The following EIF4G3 variants were observed in gnomAD, a reference collection of about 807,000 sequenced individuals.
EIF4G3 encodes the protein eIF-4-gamma 3.
Under a neutral mutation model 186.4 loss-of-function variants are expected in EIF4G3, and 34 were observed. That is an observed-to-expected ratio of 0.18 (90% CI 0.14 to 0.24). The LOEUF (loss-of-function observed/expected upper bound fraction) is 0.24. EIF4G3 is among the 10% of genes least tolerant of loss of function. The probability of loss-of-function intolerance (pLI) is 1.00; values close to 1 mark genes in which losing one functional copy is unlikely to be tolerated. For synonymous variants in EIF4G3, 673 were observed against 679.5 expected, an observed-to-expected ratio of 0.99 and a Z score of 0.15; for missense variants, 1,536 against 1,948.5, an observed-to-expected ratio of 0.79 and a Z score of 3.99.
intron 29 of EIF4G3, among the ~76,000 whole-genome samples, chr1:20,843,173 C>A (rs2069334378): frequency 3.3e-5 from 5 of 150,670 alleles, no homozygotes; most frequent in Admixed American, 3.3e-4. Flanking sequence ...TTAAGCCAAT[C>A]AACATCATTG....
chr1:20,933,328 G>A (rs1478187934), intron 14 of EIF4G3, among the ~76,000 whole-genome samples: 2 of 152,096 alleles, frequency 1.3e-5, no homozygotes, highest in Non-Finnish European at 2.9e-5. Flanking sequence ...AGGAAATGGA[G>A]AGGAGGGAAC....
At position 20,855,078 on chromosome 1, in the gene EIF4G3, C is replaced by A; in HGVS notation, c.3340-7G>T. On this transcript the variant is annotated splice_region_variant and splice_polypyrimidine_tract_variant and intron_variant, in intron 25 of 36. Coordinates refer to ENST00000602326, the MANE Select transcript of EIF4G3 (RefSeq NM_001391906.1). ...TTTTTTCATCAATTGTAGGCTGTAA[C>A]ATAAGGGACCACAAGTCAATTATAG... 6.3e-7 allele frequency: 1 copy of A among 1,583,770 alleles called. No homozygotes were observed. Among genetic ancestry groups the A allele is most frequent in the South Asian group, 1.1e-5 (1 of 89,424 alleles).
chr1:20,857,360 C>T lies in EIF4G3; in HGVS notation c.3339+43G>A, dbSNP rs777106365. The stretch of plus-strand genomic sequence containing the variant: ...TGTGTGTGTGTTTTAATATCAAAGG[C>T]ATCAAAGGAGAGCGTAAATTGTACT... On this transcript the variant is annotated intron_variant, in intron 25 of 36. Transcript: ENST00000602326. 7 of 1,425,470 alleles carry T rather than the reference C, an allele frequency of 4.9e-6. No homozygotes were observed. In the Admixed American group the frequency reaches 1.0e-4, roughly 20 times the overall value. 88.3% of individuals were successfully genotyped at this position (1,425,470 alleles called of 1,614,324 possible). A position where few individuals can be genotyped will look rare whatever the true frequency, so the allele number is the denominator to read the frequency against.
chr1:21,118,837 A>G (rs887855845), intron 2 of EIF4G3, among the ~76,000 whole-genome samples: 4 of 150,630 alleles, frequency 2.7e-5, no homozygotes, highest in Admixed American at 2.0e-4. Flanking sequence ...ACAGTGGCAC[A>G]TGCCTATAGT....
At chr1:21,033,015 A>C (rs1208959573) in intron 4 of EIF4G3, among the ~76,000 whole-genome samples, 1 of 152,200 alleles carries the variant, frequency 6.6e-6, no homozygotes, top group Non-Finnish European at 1.5e-5. Flanking sequence ...TTTCCTTTTC[A>C]TGTGCTCTAA....
At chr1:21,029,102 C>T (rs1214655219) in intron 4 of EIF4G3, among the ~76,000 whole-genome samples, 1 of 152,018 alleles carries the variant, frequency 6.6e-6, no homozygotes, top group Non-Finnish European at 1.5e-5. Context: ...ACTGCAACCT[C>T]CACCCCCTAG....
At chr1:20,831,665 A>T (rs2065246879) in intron 30 of EIF4G3, among the ~76,000 whole-genome samples, 1 of 148,276 alleles carries the variant, frequency 6.7e-6, no homozygotes, top group Admixed American at 6.8e-5. Context: ...TGTGCAGGTT[A>T]GTTACATATG....
chr1:20,861,710 A>C (rs1244997334), intron 23 of EIF4G3, among the ~76,000 whole-genome samples: 1 of 152,226 alleles, frequency 6.6e-6, no homozygotes, highest in African/African-American at 2.4e-5. Context: ...GTGGTGGCTC[A>C]CGCCTGTAAT....
At chr1:20,952,908 A>C (rs768948256) in intron 12 of EIF4G3, among the ~76,000 whole-genome samples, 11 of 152,182 alleles carry the variant, frequency 7.2e-5, no homozygotes, top group Non-Finnish European at 1.6e-4. Context: ...GGAGTTCCTT[A>C]TCTTCCCAAA....
At chr1:21,031,350 G>C (rs1024225146) in intron 4 of EIF4G3, among the ~76,000 whole-genome samples, 4 of 139,872 alleles carry the variant, frequency 2.9e-5, no homozygotes, top group Non-Finnish European at 4.6e-5. Context: ...CTCAAACAAT[G>C]AGAAAATGGG....
chr1:20,813,771 G>A (rs1255317422), intron 34 of EIF4G3, among the ~76,000 whole-genome samples: 1 of 150,380 alleles, frequency 6.6e-6, no homozygotes, highest in Admixed American at 6.6e-5. Context: ...GTTTGAACCT[G>A]GGAGGTGGAG....
chr1:20,953,926 T>C (rs1301409329), intron 12 of EIF4G3, among the ~76,000 whole-genome samples: 1 of 152,194 alleles, frequency 6.6e-6, no homozygotes, highest in Non-Finnish European at 1.5e-5. Context: ...TATCTACATA[T>C]TTTCTATAAC....
At chr1:20,926,925 T>C (rs189226910) in intron 14 of EIF4G3, among the ~76,000 whole-genome samples, 81 of 152,202 alleles carry the variant, frequency 5.3e-4, no homozygotes, top group Admixed American at 5.2e-3. Flanking sequence ...TGTACACATA[T>C]CAATATGCAT....
At chr1:21,066,537 C>A (rs1471613811) in intron 3 of EIF4G3, among the ~76,000 whole-genome samples, 1 of 151,968 alleles carries the variant, frequency 6.6e-6, no homozygotes, top group Non-Finnish European at 1.5e-5. Flanking sequence ...AATTAAGCAA[C>A]CACAGAATGA....
intron 2 of EIF4G3, among the ~76,000 whole-genome samples, chr1:21,166,107 TA>T (rs1208771256): frequency 7.7e-6 from 1 of 130,152 alleles, no homozygotes; most frequent in East Asian, 2.1e-4. Flanking sequence ...ACTATAGTCT[TA>T]AACTCTTTTT....
chr1:20,892,722 T>C, intron 18 of EIF4G3: 1 of 1,533,288 alleles, frequency 6.5e-7, no homozygotes, highest in Non-Finnish European at 8.7e-7. Context: ...GCTCTGCACT[T>C]TGCAAATCTG....
intron 14 of EIF4G3, among the ~76,000 whole-genome samples, chr1:20,913,776 T>C (rs1440822835): frequency 1.3e-5 from 2 of 151,412 alleles, no homozygotes; most frequent in Non-Finnish European, 1.5e-5. Flanking sequence ...TTTCTTAAGA[T>C]GAAAGTTGAG....
At chr1:21,129,801 T>C (rs1287347127) in intron 2 of EIF4G3, among the ~76,000 whole-genome samples, 2 of 151,884 alleles carry the variant, frequency 1.3e-5, no homozygotes, top group African/African-American at 4.8e-5. Flanking sequence ...AAGCAGAAGT[T>C]TGCTACCATT....
At chr1:21,168,411 T>A (rs114147040) in intron 2 of EIF4G3, among the ~76,000 whole-genome samples, 4,582 of 150,228 alleles carry the variant, frequency 0.031, 91 homozygotes, top group Non-Finnish European at 0.038. Flanking sequence ...CTCAATTTTT[T>A]AAAAAAAAAA....
Sources: gnomAD v4.1 joint callset for allele counts (sites outside exome capture counted in the v4.1 genomes callset) on GRCh38, gnomAD v4.1.1 for gene constraint, MANE v1.5 for transcripts, NCBI Gene and HGNC (gene_info 2026-07-23, HGNC 2026-07-21) for gene names.